The following RYR1 variants were observed in gnomAD, a reference collection of about 807,000 sequenced individuals.
RYR1 encodes ryanodine receptor 1.
Under a neutral mutation model 583.5 loss-of-function variants are expected in RYR1, and 342 were observed. That is an observed-to-expected ratio of 0.59 (90% CI 0.54 to 0.64). The LOEUF is 0.64. RYR1 is among the 30% of genes least tolerant of loss of function. The pLI is 0.00. For missense variants in RYR1, 6,032 were observed against 6,917.2 expected (o/e 0.87, Z 4.54); for synonymous variants, 2,791 against 2,822.5 (o/e 0.99, Z 0.35).
intron 78 of RYR1, among the ~76,000 whole-genome samples, chr19:38,533,553 A>G (rs1205721460): frequency 6.6e-6 from 1 of 152,178 alleles, no homozygotes; most frequent in Non-Finnish European, 1.5e-5. Context: ...GCACTTTGGG[A>G]GGCCAAGGCG....
Position 38,527,035 on chromosome 19 carries a change from C to G in RYR1, c.10669C>G (p.Leu3557Val), listed in dbSNP as rs1281934824. ...EEVREFLHNN[L>V]HLQGKVEGSP... ...GGTCCGGGAATTTCTGCACAACAAC[C>G]TTCACCTTCAGGGAAAGGTATGCCT... The change falls in exon 72 of 106, where the codon CTT (leucine) becomes GTT (valine). Residue 3557 changes from leucine (L) to valine (V), a missense_variant. This residue lies in a region of RYR1 where 1,493 missense variants were observed against 1,715.5 expected (regional missense o/e 0.87). Coordinates refer to ENST00000359596, the MANE Select transcript of RYR1 (RefSeq NM_000540.3). The G allele has an allele frequency of 5.0e-6, 8 of 1,613,912 alleles. No individual in the cohort carries two copies. Among genetic ancestry groups the G allele is most frequent in the Non-Finnish European group, 5.9e-6 (7 of 1,179,942 alleles).
At chr19:38,504,937 A>T (rs1242089131) in intron 51 of RYR1, 26 bp downstream of exon 51, 1 of 1,612,484 alleles carries the variant, frequency 6.2e-7, no homozygotes, top group African/African-American at 1.3e-5. Context: ...TGGGAGACAG[A>T]GAGGAAGATT....
intron 1 of RYR1, among the ~76,000 whole-genome samples, chr19:38,440,081 G>A (rs572490067): frequency 2.0e-5 from 3 of 152,294 alleles, no homozygotes; most frequent in Admixed American, 6.5e-5. Context: ...GTTACCAACT[G>A]TGTGGCCTTG....
intron 30 of RYR1, among the ~76,000 whole-genome samples, 166 bp downstream of exon 30, chr19:38,478,036 C>T (rs1320822532): frequency 1.3e-5 from 2 of 152,046 alleles, no homozygotes; most frequent in South Asian, 2.1e-4. Context: ...TTCCCTCCTC[C>T]TCTTTTTCCT....
intron 93 of RYR1, among the ~76,000 whole-genome samples, chr19:38,569,063 T>G (rs918198749): frequency 3.3e-5 from 5 of 151,578 alleles, no homozygotes; most frequent in Non-Finnish European, 7.4e-5. Context: ...CAGGTTGGAG[T>G]GCAGTGGCAC....
Position 38,483,141 on chromosome 19 carries a change from T to C in RYR1, c.4707+28T>C. 2 of 1,609,994 alleles carry C rather than the reference T, an allele frequency of 1.2e-6. No homozygotes were observed. The highest frequency in any genetic ancestry group is 1.7e-4 in the Middle Eastern group (1 of 6,052). ...ACAAGTGCAGTGATGGGGGCACTAATGGGGCCAGGCTGAGGCAGGAGATGT... is the reference window on the plus strand; with the variant it reads ...ACAAGTGCAGTGATGGGGGCACTAACGGGGCCAGGCTGAGGCAGGAGATGT... On this transcript the variant is annotated intron_variant, in intron 32 of 105. Transcript: ENST00000359596. The surrounding 1 kb of genome is among the most constrained non-coding windows in gnomAD (Gnocchi z 6.3).
rs756640003 is a variant in RYR1 at position 38,463,449 on chromosome 19, C to A, written c.2604C>A (p.Arg868=). 1.2e-6 allele frequency: 2 copies of A among 1,614,046 alleles called. No individual in the cohort carries two copies. Among genetic ancestry groups the A allele is most frequent in the Non-Finnish European group, 1.7e-6 (2 of 1,180,022 alleles). The change falls in exon 21 of 106, where the codon CGC becomes CGA. Residue 868 remains arginine, a synonymous_variant. Transcript: ENST00000359596. ...TTGTCCTGCCGCCCCATCTGGAGCG[C>A]ATTCGGGAGAAGCTGGCGGAGAACA... The part of the protein sequence containing the change: ...VQIVLPPHLE[R]IREKLAENIH...
Position 38,455,528 on chromosome 19 carries a change from C to A in RYR1, c.1654C>A (p.Arg552=), listed in dbSNP as rs193922770. 1.9e-6 allele frequency: 3 copies of A among 1,614,092 alleles called. No homozygotes were observed. Among genetic ancestry groups the A allele is most frequent in the Non-Finnish European group, 2.5e-6 (3 of 1,180,012 alleles). ...NLDWLVSKLD[R]LEASSGILEV... is the part of the protein sequence containing the mutation. ...GGACTGGCTGGTCAGCAAGCTGGAT[C>A]GGCTGGAGGCCTCGTCTGGTAGGAG... Residue 552 remains arginine, a synonymous_variant, in exon 15 of 106, where the codon CGG becomes AGG. Coordinates refer to ENST00000359596, the MANE Select transcript of RYR1 (RefSeq NM_000540.3).
At chr19:38,539,238 CTTT>C (rs766181329) in intron 84 of RYR1, among the ~76,000 whole-genome samples, 1 of 118,726 alleles carries the variant, frequency 8.4e-6, no homozygotes. Flanking sequence ...AAGATTTTTT[CTTT>C]TTTTTTTTTT....
intron 94 of RYR1, 65 bp from the exon 95 acceptor site, chr19:38,571,954 G>A (rs965794727): frequency 3.7e-6 from 6 of 1,611,070 alleles, no homozygotes; most frequent in Non-Finnish European, 5.1e-6. Context: ...GGGAATGGAG[G>A]CTCAATTTTG....
At chr19:38,509,358 G>A (rs760871386) in intron 58 of RYR1, among the ~76,000 whole-genome samples, 2 of 152,042 alleles carry the variant, frequency 1.3e-5, no homozygotes, top group Non-Finnish European at 2.9e-5. Context: ...CCTCCAAGTT[G>A]TAAGGAGACT....
chr19:38,484,926 G>A (rs540657032), intron 33 of RYR1, among the ~76,000 whole-genome samples: 9 of 151,792 alleles, frequency 5.9e-5, no homozygotes, highest in Admixed American at 4.6e-4. Flanking sequence ...AGCTAGGATC[G>A]CACCACTGCA....
At position 38,527,696 on chromosome 19, in the gene RYR1, T is replaced by C. The variant is rs144797677; in HGVS notation, c.10736T>C (p.Val3579Ala). ...LRWQMALYRGVPGREEDADDP... is the reference protein window; with the variant it reads ...LRWQMALYRGAPGREEDADDP... Reference sequence around the variant, plus strand: ...TGGCAGATGGCTCTGTACCGGGGCGTCCCGGGTCGCGAGGAGGACGCCGAT... The same window carrying C: ...TGGCAGATGGCTCTGTACCGGGGCGCCCCGGGTCGCGAGGAGGACGCCGAT... The change falls in exon 73 of 106, where the codon GTC (valine) becomes GCC (alanine). Residue 3579 changes from valine (V) to alanine (A), a missense_variant. Around this residue, in one of 11 missense-constraint regions of RYR1, gnomAD observed 1,493 missense variants for 1,715.5 expected, o/e 0.87. Transcript: ENST00000359596. 3 of 1,613,924 alleles carry C rather than the reference T, an allele frequency of 1.9e-6. No individual in the cohort carries two copies. Among genetic ancestry groups the C allele is most frequent in the Non-Finnish European group, 2.5e-6 (3 of 1,179,992 alleles).
Position 38,569,614 on chromosome 19 carries a change from C to T in RYR1, c.13660-993C>T, listed in dbSNP as rs7260146. ...CAGGCAGGGCGACAGGTGGGGTGACCTCACTCAGGAAGCAGCATGGCCAAG... is the reference window on the plus strand; with the variant it reads ...CAGGCAGGGCGACAGGTGGGGTGACTTCACTCAGGAAGCAGCATGGCCAAG... On this transcript the variant is annotated intron_variant, in intron 93 of 105. Transcript: ENST00000359596. Among the ~76,000 whole-genome samples the T allele has an allele frequency of 9.6e-3, 1,462 of 152,126 alleles. 21 individuals carry two copies. The highest frequency in any genetic ancestry group is 0.033 in the African/African-American group (1,386 of 41,490).
At chr19:38,548,130 C>T in intron 88 of RYR1, 103 bp from the exon 89 acceptor site, 1 of 1,283,350 alleles carries the variant, frequency 7.8e-7, no homozygotes, top group Non-Finnish European at 1.1e-6. Flanking sequence ...TGGCCAGGGA[C>T]ACTCCAGCAG....
chr19:38,563,050 ATT>A (rs1973225385), intron 90 of RYR1, among the ~76,000 whole-genome samples: 1 of 151,440 alleles, frequency 6.6e-6, no homozygotes, highest in Non-Finnish European at 1.5e-5. Flanking sequence ...CTTCCCACTC[ATT>A]CTTTGCACGT....
rs78805981 is a variant in RYR1 at position 38,585,214 on chromosome 19, T to G, written c.14803+115T>G. ...ATACCCCATCTCTACCTCTCGCTAC[T>G]GTGAGACCTTGGGCAAGTCACCTCT... On this transcript the variant is annotated intron_variant, in intron 102 of 105. Transcript: ENST00000359596. 4.0e-4 allele frequency: 514 copies of G among 1,292,366 alleles called. 2 individuals are homozygous for G. The East Asian group carries it at 5.2e-3, about 13-fold the overall frequency. 80.1% of individuals were successfully genotyped at this position (1,292,366 alleles called of 1,614,324 possible).
rs869312735 is a variant in RYR1 at position 38,458,200 on chromosome 19, C to T, written c.2075C>T (p.Thr692Ile). ...GGCTGGGCCCTCACCGAGGGCTACA[C>T]CCCCTACCCTGGGGCCGGCGAGGGC... ...RVGWALTEGY[T>I]PYPGAGEGWG... is the part of the protein sequence containing the mutation. The change falls in exon 18 of 106, where the codon ACC (threonine) becomes ATC (isoleucine). Residue 692 changes from threonine to isoleucine, a missense_variant. By Grantham distance (89) the Thr-to-Ile change is moderately conservative (BLOSUM62 -1). Coordinates refer to ENST00000359596, the MANE Select transcript of RYR1 (RefSeq NM_000540.3). The T allele has an allele frequency of 3.1e-6, 5 of 1,613,938 alleles. No individual in the cohort carries two copies. The highest frequency in any genetic ancestry group is 3.4e-6 in the Non-Finnish European group (4 of 1,180,024).
At chr19:38,528,559 G>A in intron 74 of RYR1, 40 bp from the exon 75 acceptor site, 1 of 1,608,000 alleles carries the variant, frequency 6.2e-7, no homozygotes. Context: ...GAAGCACGGA[G>A]GAGGGCGCGT....
Sources: gnomAD v4.1 joint callset for allele counts (sites outside exome capture counted in the v4.1 genomes callset) on GRCh38, gnomAD v4.1.1 for gene constraint, gnomAD v4.1.1 regional missense constraint, Gnocchi (gnomAD v3.1) non-coding constraint, MANE v1.5 for transcripts, NCBI Gene and HGNC (gene_info 2026-07-23, HGNC 2026-07-21) for gene names.